HAUS5: variants seen among roughly 807,000 people sequenced by gnomAD.
HAUS5 encodes HAUS augmin like complex subunit 5, also known as HAUS augmin-like complex subunit 5.
In HAUS5, 67 loss-of-function variants were observed where a neutral mutation model predicts 94.1. The ratio of observed to expected loss-of-function variants is 0.71; its 90% CI spans 0.58 to 0.87. The LOEUF (loss-of-function observed/expected upper bound fraction) is 0.87, where lower values mean the gene tolerates loss of function less well. Among genes scored for constraint, HAUS5 ranks in the 40% least tolerant of loss-of-function variants. The pLI is 0.00. For synonymous variants in HAUS5, 339 were observed against 355.4 expected, an observed-to-expected ratio of 0.95 and a Z score of 0.52; for missense variants, 739 against 825.6, an observed-to-expected ratio of 0.90 and a Z score of 1.29.
At chr19:35,618,750 C>T in intron 12 of HAUS5, 51 bp downstream of exon 12, 1 of 1,541,286 alleles carries the variant, frequency 6.5e-7, no homozygotes, top group Non-Finnish European at 8.7e-7. Context: ...TTCTGAGTGT[C>T]TCAGCCCATT....
intron 4 of HAUS5, 48 bp from the exon 5 acceptor site, chr19:35,614,994 A>G: frequency 7.0e-7 from 1 of 1,423,568 alleles, no homozygotes; most frequent in African/African-American, 1.4e-5. Flanking sequence ...AAGACAGGCC[A>G]GGCTGAGCCC....
rs1281792108 is a variant in HAUS5, at chr19:35,620,206, G to A, written c.1530G>A (p.Leu510=). 9 of 1,613,608 alleles carry A rather than the reference G, an allele frequency of 5.6e-6. No homozygotes were observed. Among genetic ancestry groups the A allele is most frequent in the East Asian group, 2.2e-5 (1 of 44,878 alleles). The change falls in exon 17 of 19, where the codon CTG becomes CTA. Residue 510 remains leucine, a synonymous_variant. Coordinates refer to ENST00000203166, the MANE Select transcript of HAUS5 (RefSeq NM_015302.2). ...LGLPPGKASE[L]LLPAAASLRQ... ...CCCTCCTCCTCCAGGCCTCGGAGCT[G>A]CTCCTGCCGGCGGCTGCCTCTCTTC...
At chr19:35,615,822 T>C (rs541850773) in intron 6 of HAUS5, among the ~76,000 whole-genome samples, 68 of 152,292 alleles carry the variant, frequency 4.5e-4, no homozygotes, top group African/African-American at 1.5e-3. Flanking sequence ...GAGGAATTTC[T>C]GTGGAGAAGG....
In HAUS5 at chr19:35,623,303, A is replaced by G. The variant is rs939658098; in HGVS notation, c.*310A>G. 9 of 310,502 alleles carry G rather than the reference A, an allele frequency of 2.9e-5. No homozygotes were observed. Among genetic ancestry groups the G allele is most frequent in the Admixed American group, 9.3e-5 (2 of 21,404 alleles). 19.2% of individuals were successfully genotyped at this position (310,502 alleles called of 1,614,324 possible). On this transcript the variant is annotated 3_prime_UTR_variant, in exon 19 of 19. Transcript: ENST00000203166. ...AGAAAACCCTGTCTTCCAGCAGTTG[A>G]GTTCTAGGGCAGGGAGACAGAGTTT...
rs921213066 is a variant in HAUS5, at chr19:35,617,229, C to T, written c.555+36C>T. 5 of 1,609,418 alleles carry T rather than the reference C, an allele frequency of 3.1e-6. No individual in the cohort carries two copies. In the African/African-American group the frequency reaches 6.7e-5, roughly 22 times the overall value. ...TGGTCATGGGAGAAGGGGCAGGGAG[C>T]CTGGAGTCAGGCAGATGCTAGGGTC... On this transcript the variant is annotated intron_variant, in intron 7 of 18. Transcript: ENST00000203166.
At position 35,612,823 on chromosome 19, in the gene HAUS5, TGG is replaced by T. The variant is rs1198798696; in HGVS notation, c.31_32del (p.Gly11LeufsTer30). The T allele has an allele frequency of 6.5e-7, 1 of 1,547,380 alleles. No individual in the cohort carries two copies. The highest frequency in any genetic ancestry group is 2.5e-5 in the East Asian group (1 of 40,340). On this transcript the variant is annotated frameshift_variant, in exon 1 of 19. Coordinates refer to ENST00000203166, the MANE Select transcript of HAUS5 (RefSeq NM_015302.2). LOFTEE classifies it high-confidence loss of function. ...GAGCTAGCGCAGGAAGCGCGGGAAC[TGG>T]GTTGCTGGGCGGTCGAAGAGATGGG...
chr19:35,619,771 C>A lies in HAUS5; in HGVS notation c.1406+13C>A, dbSNP rs1459870385. 2 of 1,532,728 alleles carry A rather than the reference C, an allele frequency of 1.3e-6. No homozygotes were observed. Among genetic ancestry groups the A allele is most frequent in the African/African-American group, 2.7e-5 (2 of 73,030 alleles). 94.9% of individuals were successfully genotyped at this position (1,532,728 alleles called of 1,614,324 possible). On this transcript the variant is annotated intron_variant, in intron 15 of 18. Coordinates refer to ENST00000203166, the MANE Select transcript of HAUS5 (RefSeq NM_015302.2). ...ACAGGCCGGGAGAGTGAGACTGGGG[C>A]TGCCCCACCCCTGCCCTGCATCCCC...
Position 35,615,324 on chromosome 19 carries a change from T to G in HAUS5, c.423T>G (p.His141Gln). ...CTGGGGCCATGCGAAGACAGCAGCA[T>G]ACGCTCCGAGATCCCATGCAGCGGC... ...AQAGAMRRQQ[H>Q]TLRDPMQRLQ... The change falls in exon 6 of 19, where the codon CAT becomes CAG. Residue 141 changes from histidine (H) to glutamine (Q), a missense_variant. His to Gln is a conservative substitution (Grantham distance 24). Transcript: ENST00000203166. 1 of 1,613,436 alleles carries G rather than the reference T, an allele frequency of 6.2e-7. No homozygotes were observed.
chr19:35,620,308 G>A lies in HAUS5; in HGVS notation c.1632G>A (p.Pro544=), dbSNP rs755197829. The change falls in exon 17 of 19, where the codon CCG becomes CCA. Residue 544 remains proline, a synonymous_variant. Transcript: ENST00000203166. ...WDLLHMKTSL[P]PGLPTQELLQ... ...TACTCCACATGAAGACCAGCCTGCCGCCAGGCCTTCCCACCCAGGGTAGGT... is the reference window on the plus strand; with the variant it reads ...TACTCCACATGAAGACCAGCCTGCCACCAGGCCTTCCCACCCAGGGTAGGT... 7.9e-5 allele frequency: 127 copies of A among 1,612,622 alleles called. No homozygotes were observed. The highest frequency in any genetic ancestry group is 1.0e-4 in the Non-Finnish European group (119 of 1,179,634).
chr19:35,619,702 A>G lies in HAUS5; in HGVS notation c.1350A>G (p.Glu450=). The change falls in exon 15 of 19, where the codon GAA becomes GAG. Residue 450 remains glutamate, a synonymous_variant. Coordinates refer to ENST00000203166, the MANE Select transcript of HAUS5 (RefSeq NM_015302.2). ...SRELLRCLEE[E]VRHLPHILLG... ...AGCTGCTGCGCTGTCTGGAGGAGGA[A>G]GTCCGGCATTTGCCCCACATTCTGT... 1 of 1,574,396 alleles carries G rather than the reference A, an allele frequency of 6.4e-7. No homozygotes were observed. The highest frequency in any genetic ancestry group is 8.6e-7 in the Non-Finnish European group (1 of 1,160,172).
chr19:35,614,856 G>A (rs1311521316), intron 4 of HAUS5, among the ~76,000 whole-genome samples, 186 bp from the exon 5 acceptor site: 1 of 152,164 alleles, frequency 6.6e-6, no homozygotes, highest in Non-Finnish European at 1.5e-5. Flanking sequence ...GAAACAGGCT[G>A]GAAGTGTGGG....
At position 35,620,004 on chromosome 19, in the gene HAUS5, G is replaced by C; in HGVS notation, c.1407-8G>C. Reference sequence around the variant, plus strand: ...CCCCACCCAACCCAGACTTCTCCCCGCCCGTAGGTTGAAGCCCCTGCCCAC... The same window carrying C: ...CCCCACCCAACCCAGACTTCTCCCCCCCCGTAGGTTGAAGCCCCTGCCCAC... On this transcript the variant is annotated splice_polypyrimidine_tract_variant and splice_region_variant and intron_variant, in intron 15 of 18. Transcript: ENST00000203166. The C allele has an allele frequency of 1.2e-6, 2 of 1,606,730 alleles. No individual in the cohort carries two copies. The highest frequency in any genetic ancestry group is 1.1e-5 in the South Asian group (1 of 90,752).
rs1210347198 is a variant in HAUS5 at position 35,620,189 on chromosome 19, C to G, written c.1519-6C>G. 1 of 1,613,064 alleles carries G rather than the reference C, an allele frequency of 6.2e-7. No homozygotes were observed. Among genetic ancestry groups the G allele is most frequent in the African/African-American group, 1.3e-5 (1 of 74,892 alleles). Reference sequence around the variant, plus strand: ...CCCAGGTGACCGTCCTTCCCTCCTCCTCCAGGCCTCGGAGCTGCTCCTGCC... The same window carrying G: ...CCCAGGTGACCGTCCTTCCCTCCTCGTCCAGGCCTCGGAGCTGCTCCTGCC... On this transcript the variant is annotated splice_polypyrimidine_tract_variant and splice_region_variant and intron_variant, in intron 16 of 18. Coordinates refer to ENST00000203166, the MANE Select transcript of HAUS5 (RefSeq NM_015302.2).
In HAUS5 at chr19:35,618,923, G is replaced by A. The variant is rs769265375; in HGVS notation, c.1053G>A (p.Leu351=). Residue 351 remains leucine (L), a synonymous_variant, in exon 13 of 19, where the codon CTG becomes CTA. Coordinates refer to ENST00000203166, the MANE Select transcript of HAUS5 (RefSeq NM_015302.2). ...VLILGLRRCC[L]WTELKALHDQ... ...TACTGGGGCTTCGGCGCTGTTGCCT[G>A]TGGACGGAGCTCAAGGCCCTGCACG... 2.5e-6 allele frequency: 4 copies of A among 1,612,636 alleles called. No homozygotes were observed. The highest frequency in any genetic ancestry group is 2.2e-5 in the East Asian group (1 of 44,872).
chr19:35,618,765 T>A (rs939640756), intron 12 of HAUS5, 66 bp downstream of exon 12: 1 of 1,530,650 alleles, frequency 6.5e-7, no homozygotes, highest in Non-Finnish European at 8.8e-7. Flanking sequence ...CCCATTGGAC[T>A]TTTTCAGCCT....
At chr19:35,622,580 T>A (rs555425129) in intron 17 of HAUS5, 21 bp from the exon 18 acceptor site, 2 of 1,611,524 alleles carry the variant, frequency 1.2e-6, no homozygotes, top group South Asian at 2.2e-5. Context: ...CAAAGCTGCC[T>A]CCTGGCTTTC....
rs142847967 is a variant in HAUS5, at chr19:35,618,707, G to C, written c.1016+8G>C. ...CCTGGGATCCAGTGAGAGGTGGGGG[G>C]CTCTCCGAGAAGAGGTCTCTAGGCC... On this transcript the variant is annotated splice_region_variant and intron_variant, in intron 12 of 18. Coordinates refer to ENST00000203166, the MANE Select transcript of HAUS5 (RefSeq NM_015302.2). The C allele has an allele frequency of 6.3e-7, 1 of 1,575,760 alleles. No homozygotes were observed. Among genetic ancestry groups the C allele is most frequent in the Non-Finnish European group, 8.6e-7 (1 of 1,158,392 alleles).
rs778947850 is a variant in HAUS5, at chr19:35,619,411, C to T, written c.1180-13C>T. 13 of 1,571,414 alleles carry T rather than the reference C, an allele frequency of 8.3e-6. No individual in the cohort carries two copies. Among genetic ancestry groups the T allele is most frequent in the Non-Finnish European group, 7.8e-6 (9 of 1,155,208 alleles). Reference sequence around the variant, plus strand: ...CTGGGAGGAGTGGGTCTCAGGGTATCCTGGTTCCTCAGGAGGAGACCCAGG... The same window carrying T: ...CTGGGAGGAGTGGGTCTCAGGGTATTCTGGTTCCTCAGGAGGAGACCCAGG... On this transcript the variant is annotated splice_polypyrimidine_tract_variant and intron_variant, in intron 13 of 18. Transcript: ENST00000203166.
At position 35,618,293 on chromosome 19, in the gene HAUS5, A is replaced by G. The variant is rs530974920; in HGVS notation, c.821+98A>G. On this transcript the variant is annotated intron_variant, in intron 10 of 18. Transcript: ENST00000203166. Reference sequence around the variant, plus strand: ...TGGCCCAGCCACCTGCTGATGGGGTAGAACTGAAACCCACTGCCTGGTGGG... The same window carrying G: ...TGGCCCAGCCACCTGCTGATGGGGTGGAACTGAAACCCACTGCCTGGTGGG... 64 of 1,601,810 alleles carry G rather than the reference A, an allele frequency of 4.0e-5. 1 individual carries two copies. In the East Asian group the frequency reaches 7.5e-4, roughly 19 times the overall value.
Sources: gnomAD v4.1 joint callset for allele counts (sites outside exome capture counted in the v4.1 genomes callset) on GRCh38, gnomAD v4.1.1 for gene constraint, MANE v1.5 for transcripts, NCBI Gene and HGNC (gene_info 2026-07-23, HGNC 2026-07-21) for gene names.